CLN6: variants seen among roughly 807,000 people sequenced by gnomAD.
CLN6 encodes CLN6 transmembrane ER protein, also known as ceroid-lipofuscinosis neuronal protein 6.
A neutral mutation model predicts 33.3 loss-of-function variants in CLN6; 22 were observed. The observed-to-expected ratio is 0.66, with a 90% CI of 0.47 to 0.94. The LOEUF is 0.94. CLN6 is among the 40% of genes least tolerant of loss of function. The pLI is 0.00. For synonymous variants in CLN6, 201 were observed against 174.6 expected, an observed-to-expected ratio of 1.15 and a Z score of -1.19; for missense variants, 387 against 417.1, an observed-to-expected ratio of 0.93 and a Z score of 0.63.
Position 68,241,042 on chromosome 15 carries a change from A to T in CLN6, c.179+15648T>A, listed in dbSNP as rs1892276421. 6.6e-6 allele frequency among the ~76,000 whole-genome samples: 1 copy of T among 152,260 alleles called. No homozygotes were observed. The highest frequency in any genetic ancestry group is 1.9e-4 in the East Asian group (1 of 5,192). ...GCATTCACAAATAAGCAAGAATATG[A>T]ATGAAGAACAGAAGAAAGCTGCAAA... On this transcript the variant is annotated intron_variant, in intron 1 of 6. Transcript: ENST00000538696. This position sits in a 1 kb window ranked among gnomAD's most constrained non-coding sequence, Gnocchi z 4.2.
chr15:68,249,051 T>G (rs1892353174), intron 1 of CLN6, among the ~76,000 whole-genome samples: 1 of 152,184 alleles, frequency 6.6e-6, no homozygotes, highest in Non-Finnish European at 1.5e-5. Flanking sequence ...AACATACAAA[T>G]GGCTGACAGG....
Position 68,241,319 on chromosome 15 carries a change from T to G in CLN6, c.179+15371A>C, listed in dbSNP as rs1302296692. 6.6e-6 allele frequency among the ~76,000 whole-genome samples: 1 copy of G among 151,988 alleles called. No individual in the cohort carries two copies. Among genetic ancestry groups the G allele is most frequent in the African/African-American group, 2.4e-5 (1 of 41,370 alleles). On this transcript the variant is annotated intron_variant, in intron 1 of 6. Transcript: ENST00000538696. The surrounding 1 kb of genome is among the most constrained non-coding windows in gnomAD (Gnocchi z 4.2). ...TGCCAGCAATATTCCAGAACCCAAA[T>G]ATGAGGATGAGGCAGTTCCTGGAGT... is the stretch of plus-strand genomic sequence containing the variant.
rs540311712 is a variant in CLN6, at chr15:68,209,248, C to T, written c.665+389G>A. Reference sequence around the variant, plus strand: ...GCATCCTCATCATCTGAGAGGCAGACAGGCAGGTACCATCATCCCCACTTC... The same window carrying T: ...GCATCCTCATCATCTGAGAGGCAGATAGGCAGGTACCATCATCCCCACTTC... On this transcript the variant is annotated intron_variant, in intron 6 of 6. Coordinates refer to ENST00000249806, the MANE Select transcript of CLN6 (RefSeq NM_017882.3). The surrounding 1 kb of genome is among the most constrained non-coding windows in gnomAD (Gnocchi z 4.9). Among the ~76,000 whole-genome samples, 5 of 152,330 alleles carry T rather than the reference C, an allele frequency of 3.3e-5. No homozygotes were observed. The South Asian group carries it at 1.0e-3, about 32-fold the overall frequency.
At position 68,219,603 on chromosome 15, in the gene CLN6, C is replaced by CA. The variant is rs1460036650; in HGVS notation, c.84-954dup. Among the ~76,000 whole-genome samples the CA allele has an allele frequency of 2.6e-5, 4 of 152,136 alleles. No individual in the cohort carries two copies. Among genetic ancestry groups the CA allele is most frequent in the African/African-American group, 9.7e-5 (4 of 41,442 alleles). Reference sequence around the variant, plus strand: ...AAGGCTTCCCTGATGAAGCTTTTCCCAAAGCCCCACCAGCCCACTGCAGGG... The same window carrying CA: ...AAGGCTTCCCTGATGAAGCTTTTCCCAAAAGCCCCACCAGCCCACTGCAGGG... On this transcript the variant is annotated intron_variant, in intron 1 of 6. Coordinates refer to ENST00000249806, the MANE Select transcript of CLN6 (RefSeq NM_017882.3). The surrounding 1 kb of genome is among the most constrained non-coding windows in gnomAD (Gnocchi z 4.2).
Position 68,255,475 on chromosome 15 carries a change from A to C in CLN6, c.179+1215T>G, listed in dbSNP as rs189881739. On this transcript the variant is annotated intron_variant, in intron 1 of 6. Transcript: ENST00000538696. The stretch of plus-strand genomic sequence containing the variant: ...CCTGAAAGTCAGGGTCAGCTCATGA[A>C]ACATTGTTAAACAACATGCTAAACA... Among the ~76,000 whole-genome samples, 32 of 152,314 alleles carry C rather than the reference A, an allele frequency of 2.1e-4. No individual in the cohort carries two copies. The East Asian group carries it at 6.2e-3, about 29-fold the overall frequency.
chr15:68,208,444 G>A lies in CLN6; in HGVS notation c.666-34C>T, dbSNP rs374553449. 3.2e-5 allele frequency: 51 copies of A among 1,610,232 alleles called. No individual in the cohort carries two copies. Among genetic ancestry groups the A allele is most frequent in the Non-Finnish European group, 3.6e-5 (43 of 1,179,516 alleles). On this transcript the variant is annotated intron_variant, in intron 6 of 6. Coordinates refer to ENST00000249806, the MANE Select transcript of CLN6 (RefSeq NM_017882.3). The surrounding 1 kb of genome is among the most constrained non-coding windows in gnomAD (Gnocchi z 5.8). The stretch of plus-strand genomic sequence containing the variant: ...GCCAGGGGTGAGTGAGGCAGCTGCC[G>A]TGGCAACCCCGTCCTGCCTGGCATC...
At chr15:68,231,649 C>T (rs1016930553), upstream of CLN6, among the ~76,000 whole-genome samples, 8 of 152,378 alleles carry the variant, frequency 5.3e-5, no homozygotes, top group African/African-American at 1.4e-4. Context: ...TTCCAGCCAT[C>T]AGAGGATGAG....
chr15:68,235,524 C>T (rs1020887893), intron 1 of CLN6, among the ~76,000 whole-genome samples: 9 of 148,828 alleles, frequency 6.0e-5, no homozygotes, highest in African/African-American at 2.3e-4. Context: ...GAGCCGAGAT[C>T]GTGCCACTGC....
At position 68,228,238 on chromosome 15, in the gene CLN6, C is replaced by T. The variant is rs1025034689; in HGVS notation, c.83+1264G>A. Among the ~76,000 whole-genome samples the T allele has an allele frequency of 6.6e-6, 1 of 152,200 alleles. No homozygotes were observed. On this transcript the variant is annotated intron_variant, in intron 1 of 6. Coordinates refer to ENST00000249806, the MANE Select transcript of CLN6 (RefSeq NM_017882.3). This position sits in a 1 kb window ranked among gnomAD's most constrained non-coding sequence, Gnocchi z 4.4. ...AGCAGCAGAAACGAGCCATCCCTCACCTCAGCCCAAGCGCTCAGACTTCTC... is the reference window on the plus strand; with the variant it reads ...AGCAGCAGAAACGAGCCATCCCTCATCTCAGCCCAAGCGCTCAGACTTCTC...
At chr15:68,224,964 A>G (rs2093247937) in intron 1 of CLN6, among the ~76,000 whole-genome samples, 1 of 152,222 alleles carries the variant, frequency 6.6e-6, no homozygotes, top group Non-Finnish European at 1.5e-5. Flanking sequence ...TGAGGAGTGC[A>G]TGCCATACAC....
At position 68,211,725 on chromosome 15, in the gene CLN6, G is replaced by A. The variant is rs1228451997; in HGVS notation, c.436C>T (p.Leu146=). 1.2e-6 allele frequency: 2 copies of A among 1,613,858 alleles called. No homozygotes were observed. ...RLLFSGYQHH[L]SVRENPIIKN... ...ATGATGGGGTTCTCACGGACAGACAGGTGGTGCTGGTAGCCACTGAAGAGC... is the reference window on the plus strand; with the variant it reads ...ATGATGGGGTTCTCACGGACAGACAAGTGGTGCTGGTAGCCACTGAAGAGC... The change falls in exon 4 of 7, where the codon CTG becomes TTG. Residue 146 remains leucine, a synonymous_variant. Coordinates refer to ENST00000249806, the MANE Select transcript of CLN6 (RefSeq NM_017882.3). This position sits in a 1 kb window ranked among gnomAD's most constrained non-coding sequence, Gnocchi z 5.9.
rs932901770 is a variant in CLN6, at chr15:68,236,928, C to T, written c.180-18278G>A. 2.7e-5 allele frequency among the ~76,000 whole-genome samples: 4 copies of T among 150,144 alleles called. No homozygotes were observed. The highest frequency in any genetic ancestry group is 4.0e-4 in the East Asian group (2 of 5,048). On this transcript the variant is annotated intron_variant, in intron 1 of 6. Transcript: ENST00000538696. This position sits in a 1 kb window ranked among gnomAD's most constrained non-coding sequence, Gnocchi z 4.5. ...ATCCCAGCACTTTGGGAGGCCGAGG[C>T]GGGTGGATCATGAGGTCAGGAGATC...
intron 1 of CLN6, among the ~76,000 whole-genome samples, chr15:68,250,065 C>T (rs1029028713): frequency 7.2e-5 from 11 of 152,044 alleles, no homozygotes; most frequent in African/African-American, 2.4e-4. Flanking sequence ...GTCACTGCGC[C>T]GGCCACTATT....
At chr15:68,254,233 A>C (rs972606219) in intron 1 of CLN6, among the ~76,000 whole-genome samples, 12 of 152,176 alleles carry the variant, frequency 7.9e-5, no homozygotes, top group African/African-American at 2.9e-4. Context: ...AATTCAAGCC[A>C]GTATTATCTC....
chr15:68,235,436 A>T (rs1481775556), intron 1 of CLN6, among the ~76,000 whole-genome samples: 1 of 152,002 alleles, frequency 6.6e-6, no homozygotes, highest in Non-Finnish European at 1.5e-5. Context: ...CAAATTGTGG[A>T]ATTTAATGAC....
At chr15:68,223,171 C>G (rs1368384776) in intron 1 of CLN6, among the ~76,000 whole-genome samples, 1 of 150,536 alleles carries the variant, frequency 6.6e-6, no homozygotes, top group Non-Finnish European at 1.5e-5. Flanking sequence ...TAGGGCAATA[C>G]ACAAAGCTTG....
exon 1 of CLN6, chr15:68,257,106 T>G: frequency 2.6e-6 from 1 of 383,794 alleles, no homozygotes; most frequent in Non-Finnish European, 4.6e-6. Context: ...GCCTGACTTC[T>G]GCAGGCCTCT....
chr15:68,254,863 G>A, intron 1 of CLN6: 1 of 1,135,040 alleles, frequency 8.8e-7, no homozygotes, highest in Non-Finnish European at 1.3e-6. Context: ...TGCCCAAACA[G>A]ACCAGACACA....
intron 1 of CLN6, among the ~76,000 whole-genome samples, chr15:68,229,201 G>A (rs2093260648): frequency 1.3e-5 from 2 of 152,168 alleles, no homozygotes; most frequent in African/African-American, 4.8e-5. Context: ...CGCCAGCCCG[G>A]GTCGCTGGAA....
Sources: allele counts gnomAD v4.1 joint callset (sites outside exome capture counted in the v4.1 genomes callset), GRCh38; gene constraint gnomAD v4.1.1; non-coding constraint Gnocchi (gnomAD v3.1); transcripts MANE v1.5; gene names NCBI Gene and HGNC (gene_info 2026-07-23, HGNC 2026-07-21).